The following SHISA9 variants were observed in gnomAD, a reference collection of about 807,000 sequenced individuals.
SHISA9 encodes the protein shisa family member 9, also known as protein shisa-9.
SHISA9 carries 13 observed loss-of-function variants against 38.0 expected under a neutral mutation model. The ratio of observed to expected loss-of-function variants is 0.34; its 90% CI spans 0.22 to 0.54. SHISA9 has a LOEUF of 0.54. Among genes scored for constraint, SHISA9 ranks in the 20% least tolerant of loss-of-function variants. The pLI, the probability that SHISA9 is intolerant of heterozygous loss-of-function variation, is 0.91. For synonymous variants in SHISA9, 275 were observed against 242.0 expected (o/e 1.14, Z -1.27); for missense variants, 538 against 575.8 (o/e 0.93, Z 0.67).
chr16:13,142,607 T>C (rs376208395), intron 2 of SHISA9, among the ~76,000 whole-genome samples: 5 of 152,368 alleles, frequency 3.3e-5, no homozygotes, highest in African/African-American at 1.2e-4. Flanking sequence ...TTCTTTCTCC[T>C]TCTGCCAGAT....
chr16:13,108,519 A>C (rs194017), intron 2 of SHISA9, among the ~76,000 whole-genome samples: 95,516 of 151,840 alleles, frequency 0.63, 31,104 homozygotes, highest in African/African-American at 0.79. Context: ...CCCACTTTGG[A>C]CTCCCAAAGC....
chr16:12,932,072 G>A (rs575166259), intron 2 of SHISA9, among the ~76,000 whole-genome samples: 1 of 152,272 alleles, frequency 6.6e-6, no homozygotes, highest in South Asian at 2.1e-4. Context: ...TTTCTTGCCT[G>A]CCACCATGTA....
At chr16:13,044,088 G>A (rs776756904) in intron 2 of SHISA9, among the ~76,000 whole-genome samples, 33 of 152,184 alleles carry the variant, frequency 2.2e-4, no homozygotes, top group Non-Finnish European at 4.4e-4. Flanking sequence ...TGGCTTATGG[G>A]ATTTTGAAGA....
chr16:13,295,036 T>G, the SHISA9 span, among the ~76,000 whole-genome samples: 3 of 152,136 alleles, frequency 2.0e-5, no homozygotes, highest in Non-Finnish European at 4.4e-5. Context: ...TTAAAAAAAC[T>G]GGGGAATAGA....
At chr16:12,933,574 T>C (rs1471297219) in intron 2 of SHISA9, among the ~76,000 whole-genome samples, 1 of 152,230 alleles carries the variant, frequency 6.6e-6, no homozygotes, top group Non-Finnish European at 1.5e-5. Context: ...ATTACAGGTG[T>C]GAGCCACCAT....
chr16:13,512,773 T>TA, the SHISA9 span, among the ~76,000 whole-genome samples: 192 of 152,324 alleles, frequency 1.3e-3, no homozygotes, highest in African/African-American at 4.4e-3. Context: ...ATTCCCTATT[T>TA]AATAAATGGT....
chr16:13,350,051 T>C, the SHISA9 span: 2 of 152,350 alleles, frequency 1.3e-5, no homozygotes, highest in South Asian at 4.1e-4. Flanking sequence ...GGGAAGAGGT[T>C]GGCATTTGAA....
intron 2 of SHISA9, among the ~76,000 whole-genome samples, chr16:13,162,224 A>C (rs942731091): frequency 1.3e-5 from 2 of 152,190 alleles, no homozygotes; most frequent in African/African-American, 4.8e-5. Flanking sequence ...TATGCATATT[A>C]TTCTCAGGTT....
intron 2 of SHISA9, among the ~76,000 whole-genome samples, chr16:12,988,394 G>A (rs889966125): frequency 6.6e-6 from 1 of 152,104 alleles, no homozygotes; most frequent in African/African-American, 2.4e-5. Context: ...ACAGATTTCT[G>A]CCCAGTGCCA....
At chr16:13,225,516 T>C (rs149749618) in intron 4 of SHISA9, among the ~76,000 whole-genome samples, 75 of 152,308 alleles carry the variant, frequency 4.9e-4, no homozygotes, top group Non-Finnish European at 8.5e-4. Flanking sequence ...TCTTTTATCA[T>C]ACCCTTGAGC....
At chr16:13,411,446 G>A in the SHISA9 span, among the ~76,000 whole-genome samples, 5 of 152,212 alleles carry the variant, frequency 3.3e-5, no homozygotes, top group African/African-American at 1.2e-4. Flanking sequence ...TCACCTGTGT[G>A]TATCAGAAGC....
chr16:13,418,859 G>A, the SHISA9 span, among the ~76,000 whole-genome samples: 122 of 152,276 alleles, frequency 8.0e-4, 1 homozygote, highest in African/African-American at 2.7e-3. Flanking sequence ...TAAACAACAC[G>A]GGCTAGCAGT....
chr16:13,482,607 C>T, the SHISA9 span, among the ~76,000 whole-genome samples: 1 of 152,022 alleles, frequency 6.6e-6, no homozygotes, highest in South Asian at 2.1e-4. Context: ...CAAGACCAGC[C>T]TGAGCAACAT....
At chr16:13,108,379 C>T (rs1446600961) in intron 2 of SHISA9, among the ~76,000 whole-genome samples, 1 of 152,170 alleles carries the variant, frequency 6.6e-6, no homozygotes, top group Non-Finnish European at 1.5e-5. Flanking sequence ...ATCCTCCTGC[C>T]TTGGCTTCCT....
At chr16:12,975,996 C>T (rs763952314) in intron 2 of SHISA9, among the ~76,000 whole-genome samples, 8 of 151,924 alleles carry the variant, frequency 5.3e-5, no homozygotes, top group Non-Finnish European at 1.0e-4. Flanking sequence ...CTGTGATTCT[C>T]AATTAGTTTC....
chr16:13,028,909 G>A (rs1392956), intron 2 of SHISA9, among the ~76,000 whole-genome samples: 1 of 151,810 alleles, frequency 6.6e-6, no homozygotes, highest in Non-Finnish European at 1.5e-5. Context: ...ACTACATGGA[G>A]TGTGAGTGGG....
rs1596687702 is a variant in SHISA9 at position 13,155,823 on chromosome 16, T to C, written c.692-47571T>C. On this transcript the variant is annotated intron_variant, in intron 2 of 4. Coordinates refer to ENST00000558583, the MANE Select transcript of SHISA9 (RefSeq NM_001145204.3). ...CCCCTCTCCCCCTACCCCTATTCCA[T>C]GTTCCCTGTATAGTAACAAGAGGAT... Among the ~76,000 whole-genome samples the C allele has an allele frequency of 2.7e-5, 4 of 147,732 alleles. No homozygotes were observed. The South Asian group carries it at 9.4e-4, about 35-fold the overall frequency.
the SHISA9 span, among the ~76,000 whole-genome samples, chr16:13,291,293 C>A: frequency 6.6e-6 from 1 of 152,146 alleles, no homozygotes; most frequent in Admixed American, 6.6e-5. Context: ...ACTGAGCCAA[C>A]CCAAACCCCA....
chr16:13,551,686 A>G, the SHISA9 span, among the ~76,000 whole-genome samples: 1 of 152,156 alleles, frequency 6.6e-6, no homozygotes, highest in Non-Finnish European at 1.5e-5. Flanking sequence ...ACAAACATAG[A>G]CACAAAGGGG....
Sources: allele counts gnomAD v4.1 joint callset (sites outside exome capture counted in the v4.1 genomes callset), GRCh38; gene constraint gnomAD v4.1.1; transcripts MANE v1.5; gene names NCBI Gene and HGNC (gene_info 2026-07-23, HGNC 2026-07-21).